CNTNAP4: variants seen among roughly 807,000 people sequenced by gnomAD.
The protein encoded by CNTNAP4 is contactin associated protein family member 4, also known as contactin-associated protein-like 4.
A neutral mutation model predicts 148.4 loss-of-function variants in CNTNAP4; 98 were observed. The observed-to-expected ratio is 0.66, with a 90% confidence interval of 0.56 to 0.78. CNTNAP4 has a LOEUF of 0.78. Among genes scored for constraint, CNTNAP4 ranks in the 30% least tolerant of loss-of-function variants. CNTNAP4 has a pLI of 0.00. For synonymous variants in CNTNAP4, 730 were observed against 565.1 expected, an observed-to-expected ratio of 1.29 and a Z score of -4.14; for missense variants, 1,935 against 1,565.6, an observed-to-expected ratio of 1.24 and a Z score of -3.98.
At chr16:76,427,095 A>G (rs2079431470) in intron 3 of CNTNAP4, among the ~76,000 whole-genome samples, 1 of 152,170 alleles carries the variant, frequency 6.6e-6, no homozygotes, top group African/African-American at 2.4e-5. Flanking sequence ...ACCCTTGGAG[A>G]ATATTTTCTC....
In CNTNAP4 at chr16:76,457,003, A is replaced by G. The variant is rs1418294616; in HGVS notation, c.1333+4234A>G. ...AGTATTTGTTATAAGTAATACCTCA[A>G]TAAAATTACTATTTTATTATTATGA... On this transcript the variant is annotated intron_variant, in intron 8 of 23. Coordinates refer to ENST00000611870, the MANE Select transcript of CNTNAP4 (RefSeq NM_033401.5). Among the ~76,000 whole-genome samples, 4 of 152,210 alleles carry G rather than the reference A, an allele frequency of 2.6e-5. No individual in the cohort carries two copies. In the East Asian group the frequency reaches 7.7e-4, roughly 29 times the overall value.
At chr16:76,524,101 G>C (rs1287371952) in intron 17 of CNTNAP4, among the ~76,000 whole-genome samples, 1 of 151,992 alleles carries the variant, frequency 6.6e-6, no homozygotes, top group Non-Finnish European at 1.5e-5. Flanking sequence ...AGACATTTTT[G>C]GGATTTCCAA....
chr16:76,332,297 G>A (rs540009397), intron 2 of CNTNAP4, among the ~76,000 whole-genome samples: 1 of 152,242 alleles, frequency 6.6e-6, no homozygotes, highest in East Asian at 1.9e-4. Flanking sequence ...ATGTCATTCT[G>A]TTGCCCAGGC....
At chr16:76,424,395 T>C (rs2079303211) in intron 3 of CNTNAP4, among the ~76,000 whole-genome samples, 1 of 152,130 alleles carries the variant, frequency 6.6e-6, no homozygotes. Flanking sequence ...GAATCAAAAG[T>C]ATAAGAAGAT....
chr16:76,405,284 CAGT>C (rs1388658361), intron 3 of CNTNAP4, among the ~76,000 whole-genome samples: 2 of 152,042 alleles, frequency 1.3e-5, no homozygotes, highest in Non-Finnish European at 2.9e-5. Context: ...TGTTTTTTCC[CAGT>C]AGCTATTTAG....
At chr16:76,448,612 A>G (rs889080045) in intron 5 of CNTNAP4, among the ~76,000 whole-genome samples, 155 bp from the exon 6 acceptor site, 2 of 152,218 alleles carry the variant, frequency 1.3e-5, no homozygotes, top group African/African-American at 4.8e-5. Flanking sequence ...ATATTATTAT[A>G]TTGAAACTTC....
chr16:76,292,696 T>C (rs758402325), intron 1 of CNTNAP4, among the ~76,000 whole-genome samples: 98 of 148,616 alleles, frequency 6.6e-4, no homozygotes, highest in Non-Finnish European at 1.1e-3. Flanking sequence ...TCTGTCTTCC[T>C]TATCAAAAAT....
intron 3 of CNTNAP4, among the ~76,000 whole-genome samples, chr16:76,397,165 A>G (rs1361774909): frequency 6.6e-6 from 1 of 151,968 alleles, no homozygotes; most frequent in Non-Finnish European, 1.5e-5. Context: ...GGAAGGCTTT[A>G]TGTCGTAGGT....
At position 76,538,260 on chromosome 16, in the gene CNTNAP4, G is replaced by A. The variant is rs376243603; in HGVS notation, c.3140G>A (p.Arg1047Gln). ...AGAGAAATGATCAAATTTAGTTTCCGAACAACACGAACACCAAGCTTGCTG... is the reference window on the plus strand; with the variant it reads ...AGAGAAATGATCAAATTTAGTTTCCAAACAACACGAACACCAAGCTTGCTG... ...LSREMIKFSF[R>Q]TTRTPSLLLF... Residue 1047 changes from arginine to glutamine, a missense_variant, in exon 19 of 24, where the codon CGA becomes CAA. Arg to Gln is a conservative substitution (Grantham distance 43). Transcript: ENST00000611870. 2.5e-5 allele frequency: 41 copies of A among 1,610,238 alleles called. 1 individual carries two copies. Among genetic ancestry groups the A allele is most frequent in the South Asian group, 1.5e-4 (14 of 90,682 alleles).
intron 1 of CNTNAP4, among the ~76,000 whole-genome samples, chr16:76,300,284 A>G (rs1346107935): frequency 6.6e-6 from 1 of 152,178 alleles, no homozygotes; most frequent in Admixed American, 6.5e-5. Context: ...ATCCCACATC[A>G]TGTCCACATA....
chr16:76,352,820 A>G (rs970144211), intron 2 of CNTNAP4, among the ~76,000 whole-genome samples: 11 of 152,088 alleles, frequency 7.2e-5, no homozygotes, highest in African/African-American at 2.2e-4. Context: ...TCCCCGAGCT[A>G]TTTGTGGGAG....
chr16:76,323,601 G>C (rs1370931962), intron 2 of CNTNAP4, among the ~76,000 whole-genome samples: 2 of 152,086 alleles, frequency 1.3e-5, no homozygotes, highest in African/African-American at 2.4e-5. Flanking sequence ...CGATTTATTT[G>C]ATTTAACACC....
intron 3 of CNTNAP4, among the ~76,000 whole-genome samples, chr16:76,365,476 C>T (rs1015060264): frequency 1.3e-5 from 2 of 152,196 alleles, no homozygotes; most frequent in African/African-American, 2.4e-5. Flanking sequence ...TCTGGCCAGG[C>T]GTTGTGGCTC....
At chr16:76,396,848 G>A (rs1022460644) in intron 3 of CNTNAP4, among the ~76,000 whole-genome samples, 6 of 152,274 alleles carry the variant, frequency 3.9e-5, no homozygotes, top group African/African-American at 1.4e-4. Flanking sequence ...CAGAAGTCTG[G>A]TAGCTTGCCT....
chr16:76,465,711 C>A (rs190883789), intron 9 of CNTNAP4, among the ~76,000 whole-genome samples: 1 of 152,154 alleles, frequency 6.6e-6, no homozygotes, highest in Admixed American at 6.5e-5. Flanking sequence ...CCATATCTTA[C>A]ACTACAGAAG....
At chr16:76,370,562 A>G (rs1432112504) in intron 3 of CNTNAP4, among the ~76,000 whole-genome samples, 1 of 152,156 alleles carries the variant, frequency 6.6e-6, no homozygotes, top group Non-Finnish European at 1.5e-5. Context: ...GAAGCTCCTT[A>G]ATACAGGAGC....
chr16:76,350,390 ATAATTT>A (rs1965273058), intron 2 of CNTNAP4, among the ~76,000 whole-genome samples: 1 of 152,202 alleles, frequency 6.6e-6, no homozygotes. Context: ...ATCTCACTAG[ATAATTT>A]TAATAATTAA....
intron 3 of CNTNAP4, among the ~76,000 whole-genome samples, chr16:76,374,097 A>G (rs2015161032): frequency 1.3e-5 from 2 of 152,166 alleles, no homozygotes. Flanking sequence ...TTAATTTCTC[A>G]TACTGAAACG....
At chr16:76,297,043 C>T (rs1014677096) in intron 1 of CNTNAP4, among the ~76,000 whole-genome samples, 1 of 152,112 alleles carries the variant, frequency 6.6e-6, no homozygotes, top group Non-Finnish European at 1.5e-5. Flanking sequence ...AAAGAAGTAA[C>T]CTTTAGTAAC....
Sources: allele counts gnomAD v4.1 joint callset (sites outside exome capture counted in the v4.1 genomes callset), GRCh38; gene constraint gnomAD v4.1.1; transcripts MANE v1.5; gene names NCBI Gene and HGNC (gene_info 2026-07-23, HGNC 2026-07-21).